The following ZNF786 variants were observed in gnomAD, a reference collection of about 807,000 sequenced individuals.
ZNF786 encodes zinc finger protein 786.
A neutral mutation model predicts 63.1 loss-of-function variants in ZNF786; 56 were observed. That is an observed-to-expected ratio of 0.89 (90% CI 0.72 to 1.11). The LOEUF (loss-of-function observed/expected upper bound fraction) is 1.11, where lower values mean the gene tolerates loss of function less well. Ranked by LOEUF, ZNF786 falls within the 50% of genes least tolerant of loss-of-function variation. ZNF786 has a pLI of 0.00. For synonymous variants in ZNF786, 485 were observed against 406.9 expected (o/e 1.19, Z -2.31); for missense variants, 1,213 against 1,041.8 (o/e 1.16, Z -2.26).
At chr7:149,076,941 T>C (rs1425074153) in intron 2 of ZNF786, among the ~76,000 whole-genome samples, 5 of 152,172 alleles carry the variant, frequency 3.3e-5, no homozygotes, top group Admixed American at 2.0e-4. Flanking sequence ...TTGAAGTGAA[T>C]TGCTGTATCA....
intron 3 of ZNF786, 141 bp downstream of exon 3, chr7:149,074,245 A>G (rs896342743): frequency 4.0e-6 from 4 of 988,912 alleles, no homozygotes; most frequent in Non-Finnish European, 5.9e-6. Flanking sequence ...CACATTCCTA[A>G]CCATTATGCT....
chr7:149,085,081 T>C (rs901101190), intron 1 of ZNF786, among the ~76,000 whole-genome samples: 2 of 152,204 alleles, frequency 1.3e-5, no homozygotes, highest in Non-Finnish European at 2.9e-5. Flanking sequence ...TTGTTGACTT[T>C]GTAGAAGATC....
rs866700787 is a variant in ZNF786, at chr7:149,071,573, G to A, written c.1199C>T (p.Ala400Val). The part of the protein sequence containing the change: ...AHTGEKPFQC[A>V]HCTKRFRLRR... ...CAGGCGGAAGCGCTTGGTGCAATGC[G>A]CACACTGGAAGGGCTTTTCTCCAGT... The change falls in exon 4 of 4, where the codon GCG becomes GTG. Residue 400 changes from alanine to valine, a missense_variant. Transcript: ENST00000491431. The A allele has an allele frequency of 1.5e-5, 24 of 1,611,484 alleles. No individual in the cohort carries two copies. Among genetic ancestry groups the A allele is most frequent in the Non-Finnish European group, 2.0e-5 (24 of 1,179,382 alleles).
At chr7:149,080,267 G>C (rs1415410019) in intron 2 of ZNF786, among the ~76,000 whole-genome samples, 2 of 152,058 alleles carry the variant, frequency 1.3e-5, no homozygotes, top group Non-Finnish European at 2.9e-5. Flanking sequence ...AAGATATACA[G>C]AGCACTTCAT....
Position 149,071,422 on chromosome 7 carries a change from C to T in ZNF786, c.1350G>A (p.Glu450=), listed in dbSNP as rs752675298. ...LTEHIRVHSG[E]KPFRCAKCGR... is the part of the protein sequence containing the mutation. ...CACACTTGGCACACCGGAAAGGCTT[C>T]TCTCCGCTGTGGACTCGAATGTGCT... is the stretch of plus-strand genomic sequence containing the variant. The change falls in exon 4 of 4, where the codon GAG becomes GAA. Residue 450 remains glutamate, a synonymous_variant. Transcript: ENST00000491431. 56 of 1,613,378 alleles carry T rather than the reference C, an allele frequency of 3.5e-5. 1 individual carries two copies. In the South Asian group the frequency reaches 4.3e-4, roughly 12 times the overall value.
At chr7:149,076,744 T>C (rs1356012030) in intron 2 of ZNF786, among the ~76,000 whole-genome samples, 3 of 148,300 alleles carry the variant, frequency 2.0e-5, no homozygotes, top group Non-Finnish European at 4.5e-5. Context: ...AAAAACTACA[T>C]AGACCATACC....
chr7:149,074,657 A>G, intron 2 of ZNF786, 119 bp from the exon 3 acceptor site: 1 of 1,247,090 alleles, frequency 8.0e-7, no homozygotes, highest in Admixed American at 3.0e-5. Flanking sequence ...CAAAAAAAAA[A>G]AAACAGGTTT....
At position 149,071,574 on chromosome 7, in the gene ZNF786, C is replaced by T. The variant is rs1825417767; in HGVS notation, c.1198G>A (p.Ala400Thr). ...AGGCGGAAGCGCTTGGTGCAATGCG[C>T]ACACTGGAAGGGCTTTTCTCCAGTA... is the stretch of plus-strand genomic sequence containing the variant. ...AHTGEKPFQC[A>T]HCTKRFRLRR... is the part of the protein sequence containing the mutation. The change falls in exon 4 of 4, where the codon GCG becomes ACG. Residue 400 changes from alanine to threonine, a missense_variant. Ala to Thr is a moderately conservative substitution (Grantham distance 58, BLOSUM62 0). Transcript: ENST00000491431. 6.2e-7 allele frequency: 1 copy of T among 1,611,568 alleles called. No individual in the cohort carries two copies. The highest frequency in any genetic ancestry group is 8.5e-7 in the Non-Finnish European group (1 of 1,179,472).
At position 149,070,462 on chromosome 7, in the gene ZNF786, G is replaced by C. The variant is rs1297407549; in HGVS notation, c.2310C>G (p.Leu770=). 6.2e-7 allele frequency: 1 copy of C among 1,613,832 alleles called. No individual in the cohort carries two copies. The highest frequency in any genetic ancestry group is 8.5e-7 in the Non-Finnish European group (1 of 1,179,874). ...CCTCTATCATTGCAAACAGTTGGCTGAGCCTTTTCTTAATGTCCAGTTCAT... is the reference window on the plus strand; with the variant it reads ...CCTCTATCATTGCAAACAGTTGGCTCAGCCTTTTCTTAATGTCCAGTTCAT... ...APNELDIKKR[L]SQLFAMIEAD... Residue 770 remains leucine (L), a synonymous_variant, in exon 4 of 4, where the codon CTC becomes CTG. Transcript: ENST00000491431.
rs771163902 is a variant in ZNF786, at chr7:149,071,741, G to A, written c.1031C>T (p.Ser344Leu). 12 of 1,587,732 alleles carry A rather than the reference G, an allele frequency of 7.6e-6. No homozygotes were observed. The South Asian group carries it at 7.8e-5, about 10-fold the overall frequency. Residue 344 changes from serine (S) to leucine (L), a missense_variant, in exon 4 of 4, where the codon TCG (serine) becomes TTG (leucine). By Grantham distance (145) the Ser-to-Leu change is moderately radical. Transcript: ENST00000491431. ...SSVHSGQKPG[S>L]RLPQEGNSHQ... is the part of the protein sequence containing the mutation. The stretch of plus-strand genomic sequence containing the variant: ...GCTGTTCCCCTCCTGGGGCAGGCGC[G>A]AGCCTGGTTTCTGTCCCGAGTGCAC...
chr7:149,074,276 A>G (rs1019982670), intron 3 of ZNF786, 110 bp downstream of exon 3: 64 of 1,256,834 alleles, frequency 5.1e-5, no homozygotes, highest in Middle Eastern at 3.9e-4. Flanking sequence ...TATCTAGAAG[A>G]TAAGAGTCTT....
At chr7:149,090,559 G>A (rs1825814258) in intron 1 of ZNF786, 64 bp downstream of exon 1, 8 of 1,475,626 alleles carry the variant, frequency 5.4e-6, no homozygotes, top group Non-Finnish European at 6.4e-6. Context: ...ACACGGGCGA[G>A]CCCGGAACCC....
chr7:149,072,586 CA>C, intron 3 of ZNF786, 113 bp from the exon 4 acceptor site: 1 of 1,232,130 alleles, frequency 8.1e-7, no homozygotes, highest in Non-Finnish European at 1.1e-6. Flanking sequence ...ACCCAGCTTC[CA>C]CTGAGCTACC....
At position 149,072,281 on chromosome 7, in the gene ZNF786, C is replaced by T. The variant is rs770360357; in HGVS notation, c.491G>A (p.Gly164Glu). The T allele has an allele frequency of 6.1e-5, 98 of 1,613,630 alleles. No individual in the cohort carries two copies. The highest frequency in any genetic ancestry group is 3.0e-4 in the Admixed American group (18 of 59,944). The change falls in exon 4 of 4, where the codon GGA becomes GAA. Residue 164 changes from glycine to glutamate, a missense_variant. Physicochemically the swap from Gly to Glu is moderately conservative, Grantham distance 98. Coordinates refer to ENST00000491431, the MANE Select transcript of ZNF786 (RefSeq NM_152411.4). ...CGPSESTLKE[G>E]IPGPRNLDLP... ...ATCCAGATTTCTGGGACCTGGGATT[C>T]CTTCTTTTAGGGTAGATTCACTGGG...
chr7:149,071,242 G>C lies in ZNF786; in HGVS notation c.1530C>G (p.Ser510=). 6.2e-7 allele frequency: 1 copy of C among 1,611,952 alleles called. No individual in the cohort carries two copies. The highest frequency in any genetic ancestry group is 1.1e-5 in the South Asian group (1 of 91,056). ...TGAAGCCTCTGCCACACTCGCTACA[G>C]GAGAACGGCCTCTCCCCACCGTGCC... ...RLRHGGERPF[S]CSECGRGFTH... is the part of the protein sequence containing the mutation. Residue 510 remains serine (S), a synonymous_variant, in exon 4 of 4, where the codon TCC becomes TCG. Coordinates refer to ENST00000491431, the MANE Select transcript of ZNF786 (RefSeq NM_152411.4).
chr7:149,073,747 G>GTGTATATA (rs1447329296), intron 3 of ZNF786, among the ~76,000 whole-genome samples: 12 of 77,566 alleles, frequency 1.5e-4, no homozygotes, highest in East Asian at 1.1e-3. Context: ...GTGTGTGTGT[G>GTGTATATA]TATATATATA....
chr7:149,084,089 G>A (rs766104945), intron 1 of ZNF786, among the ~76,000 whole-genome samples: 4 of 152,186 alleles, frequency 2.6e-5, no homozygotes, highest in African/African-American at 4.8e-5. Context: ...GGCTGGGCGC[G>A]GTGGCTCACG....
In ZNF786 at chr7:149,070,804, G is replaced by C; in HGVS notation, c.1968C>G (p.Gly656=). 6.2e-7 allele frequency: 1 copy of C among 1,613,806 alleles called. No individual in the cohort carries two copies. ...CGATGAGCTTTGAGTGTTTCACAAAGCCCTTGCCGCACTCACAGGAGAAAG... is the reference window on the plus strand; with the variant it reads ...CGATGAGCTTTGAGTGTTTCACAAACCCCTTGCCGCACTCACAGGAGAAAG... ...EMPFSCECGK[G]FVKHSKLIEH... Residue 656 remains glycine (G), a synonymous_variant, in exon 4 of 4, where the codon GGC becomes GGG. Transcript: ENST00000491431.
intron 1 of ZNF786, among the ~76,000 whole-genome samples, chr7:149,081,435 CAAAAAAAA>C (rs749538585): frequency 2.2e-3 from 100 of 46,226 alleles, no homozygotes; most frequent in South Asian, 0.012. Flanking sequence ...GACTCGGTCT[CAAAAAAAA>C]AAAAAAAAAA....
Sources: allele counts gnomAD v4.1 joint callset (sites outside exome capture counted in the v4.1 genomes callset), GRCh38; gene constraint gnomAD v4.1.1; transcripts MANE v1.5; gene names NCBI Gene and HGNC (gene_info 2026-07-23, HGNC 2026-07-21).